ODR4: variants seen among roughly 807,000 people sequenced by gnomAD.
ODR4 encodes odr-4 GPCR localization factor homolog.
ODR4 carries 47 observed loss-of-function variants against 60.2 expected under a neutral mutation model. That is an observed-to-expected ratio of 0.78 (90% CI 0.62 to 1.00). ODR4 has a LOEUF of 1.00. ODR4 is among the 50% of genes least tolerant of loss of function. The probability of loss-of-function intolerance (pLI) is 0.00; values close to 1 mark genes in which losing one functional copy is unlikely to be tolerated. For missense variants in ODR4, 488 were observed against 530.8 expected (o/e 0.92, Z 0.79); for synonymous variants, 178 against 175.5 (o/e 1.01, Z -0.11).
At chr1:186,387,127 A>G (rs376604114) in intron 4 of ODR4, among the ~76,000 whole-genome samples, 1 of 152,184 alleles carries the variant, frequency 6.6e-6, no homozygotes, top group African/African-American at 2.4e-5. Flanking sequence ...AAAAATATAC[A>G]GCTGAGAACT....
intron 12 of ODR4, among the ~76,000 whole-genome samples, chr1:186,408,515 TATA>T (rs1019511903): frequency 6.7e-6 from 1 of 150,086 alleles, no homozygotes; most frequent in African/African-American, 2.4e-5. Context: ...ATAAACAATA[TATA>T]ATGTTTATAT....
In ODR4 at chr1:186,417,584, C is replaced by T; in HGVS notation, c.1227C>T (p.Asp409=). ...CTATGAATAGTCAAGCTTCATTGGA[C>T]AACACAGATGATGAACAACCAAAAC... ...SSSMNSQASL[D]NTDDEQPKQP... Residue 409 remains aspartate (D), a synonymous_variant, in exon 13 of 14, where the codon GAC becomes GAT. Coordinates refer to ENST00000287859, the MANE Select transcript of ODR4 (RefSeq NM_017847.6). 6.2e-7 allele frequency: 1 copy of T among 1,602,296 alleles called. No individual in the cohort carries two copies. The highest frequency in any genetic ancestry group is 8.5e-7 in the Non-Finnish European group (1 of 1,173,250).
chr1:186,417,532 A>T lies in ODR4; in HGVS notation c.1187-12A>T, dbSNP rs2102097556. ...ATTTTATGTGGAATTTATTATTATT[A>T]TACCCTTTCAGCTTGTATGAGTTCT... On this transcript the variant is annotated splice_polypyrimidine_tract_variant and intron_variant, in intron 12 of 13. Coordinates refer to ENST00000287859, the MANE Select transcript of ODR4 (RefSeq NM_017847.6). 7.2e-7 allele frequency: 1 copy of T among 1,391,980 alleles called. No homozygotes were observed. The highest frequency in any genetic ancestry group is 1.9e-5 in the Admixed American group (1 of 52,140). 86.2% of individuals were successfully genotyped at this position (1,391,980 alleles called of 1,614,324 possible).
Position 186,417,590 on chromosome 1 carries a change from A to G in ODR4, c.1233A>G (p.Thr411=). 1 of 1,603,912 alleles carries G rather than the reference A, an allele frequency of 6.2e-7. No individual in the cohort carries two copies. The highest frequency in any genetic ancestry group is 8.5e-7 in the Non-Finnish European group (1 of 1,174,254). The change falls in exon 13 of 14, where the codon ACA becomes ACG. Residue 411 remains threonine (T), a synonymous_variant. Transcript: ENST00000287859. The stretch of plus-strand genomic sequence containing the variant: ...ATAGTCAAGCTTCATTGGACAACAC[A>G]GATGATGAACAACCAAAACAACCAA... ...SMNSQASLDN[T]DDEQPKQPIK...
At chr1:186,424,788 CGTG>C (rs1002041263), downstream of ODR4, among the ~76,000 whole-genome samples, 12 of 151,918 alleles carry the variant, frequency 7.9e-5, no homozygotes, top group African/African-American at 2.4e-4. Flanking sequence ...TTCTTCCAGT[CGTG>C]GTGGCTGGGC....
intron 11 of ODR4, among the ~76,000 whole-genome samples, chr1:186,404,050 A>T (rs914139592): frequency 1.8e-4 from 28 of 152,364 alleles, no homozygotes; most frequent in South Asian, 1.0e-3. Flanking sequence ...AAATACATAA[A>T]TAACTTAAAA....
In ODR4 at chr1:186,419,037, C is replaced by T. The variant is rs1378921862; in HGVS notation, c.1326C>T (p.Val442=). The T allele has an allele frequency of 6.2e-7, 1 of 1,610,396 alleles. No individual in the cohort carries two copies. The highest frequency in any genetic ancestry group is 1.7e-5 in the Admixed American group (1 of 59,614). Residue 442 remains valine (V), a synonymous_variant, in exon 14 of 14, where the codon GTC becomes GTT. Transcript: ENST00000287859. ...TGATTGCAGCATTTACAGTTGCAGT[C>T]CTTGCTGCGGGTATCTCCTTTCATT... ...IGVIAAFTVA[V]LAAGISFHYF...
At chr1:186,391,851 A>T in intron 8 of ODR4, 60 bp downstream of exon 8, 1 of 1,030,220 alleles carries the variant, frequency 9.7e-7, no homozygotes. Flanking sequence ...ATAAAACATG[A>T]CTTATTTTTA....
At chr1:186,385,727 A>G (rs1260690682) in intron 3 of ODR4, among the ~76,000 whole-genome samples, 1 of 152,206 alleles carries the variant, frequency 6.6e-6, no homozygotes, top group African/African-American at 2.4e-5. Flanking sequence ...GATCCTAGAA[A>G]GTCTGAAATA....
At chr1:186,390,999 ATTAGAAATTT>A (rs1015777975) in intron 7 of ODR4, 148 bp downstream of exon 7, 42 of 849,204 alleles carry the variant, frequency 4.9e-5, no homozygotes, top group Admixed American at 2.5e-4. Flanking sequence ...CCGCAGCCAA[ATTAGAAATTT>A]TTAGAAATTT....
In ODR4 at chr1:186,390,822, G is replaced by C; in HGVS notation, c.586G>C (p.Val196Leu). Residue 196 changes from valine to leucine, a missense_variant, in exon 7 of 14, where the codon GTC becomes CTC. Val to Leu is a conservative substitution (Grantham distance 32, BLOSUM62 1). Transcript: ENST00000287859. ...TCACATCCCACTTTCTGCTACTTCTGTCAGCTATACTCTGGAGAAAAATAC... is the reference window on the plus strand; with the variant it reads ...TCACATCCCACTTTCTGCTACTTCTCTCAGCTATACTCTGGAGAAAAATAC... ...NIHIPLSATS[V>L]SYTLEKNTKN... 6.2e-7 allele frequency: 1 copy of C among 1,613,026 alleles called. No homozygotes were observed. Among genetic ancestry groups the C allele is most frequent in the Non-Finnish European group, 8.5e-7 (1 of 1,179,360 alleles).
chr1:186,400,006 T>C (rs1343123560), intron 11 of ODR4, among the ~76,000 whole-genome samples: 1 of 146,138 alleles, frequency 6.8e-6, no homozygotes, highest in Non-Finnish European at 1.5e-5. Context: ...TTTTTTTTTT[T>C]TTTGAGACGG....
At chr1:186,401,074 A>C (rs748877213) in intron 11 of ODR4, 2 of 1,597,484 alleles carry the variant, frequency 1.3e-6, no homozygotes, top group Admixed American at 3.4e-5. Context: ...TTATTGTTAA[A>C]GATTTACCTT....
rs752322705 is a variant in ODR4, at chr1:186,398,408, C to T, written c.876C>T (p.His292=). ...CTGTGAAATGCAGAGCTTATATCCACAGCAGTAAACCCAAAGTTAAAGATG... is the reference window on the plus strand; with the variant it reads ...CTGTGAAATGCAGAGCTTATATCCATAGCAGTAAACCCAAAGTTAAAGATG... ...KGAVKCRAYI[H]SSKPKVKDAV... is the part of the protein sequence containing the mutation. The change falls in exon 10 of 14, where the codon CAC becomes CAT. Residue 292 remains histidine (H), a synonymous_variant. Transcript: ENST00000287859. The T allele has an allele frequency of 5.0e-6, 8 of 1,607,320 alleles. No individual in the cohort carries two copies. Among genetic ancestry groups the T allele is most frequent in the Admixed American group, 1.7e-5 (1 of 59,358 alleles).
rs975518582 is a variant in ODR4, at chr1:186,419,151, T to C, written c.*75T>C. Reference sequence around the variant, plus strand: ...TTATGAATAATAAAGATGTTAACAATCCATCTGTATTTAAAACACTAGCAG... The same window carrying C: ...TTATGAATAATAAAGATGTTAACAACCCATCTGTATTTAAAACACTAGCAG... On this transcript the variant is annotated 3_prime_UTR_variant, in exon 14 of 14. Transcript: ENST00000287859. 50 of 1,288,842 alleles carry C rather than the reference T, an allele frequency of 3.9e-5. 1 individual carries two copies. The African/African-American group carries it at 6.7e-4, about 17-fold the overall frequency. The allele number at this position is 1,288,842 out of a possible 1,614,324, so 79.8% of individuals were successfully genotyped here.
In ODR4 at chr1:186,419,958, G is replaced by A. The variant is rs1238899376; in HGVS notation, c.*882G>A. ...TAGTAAGAAATGACATAAAATACGT[G>A]CTTTCTCAGGTTACTGTATAACTGT... On this transcript the variant is annotated 3_prime_UTR_variant, in exon 14 of 14. Transcript: ENST00000287859. 6.6e-6 allele frequency: 1 copy of A among 152,010 alleles called. No homozygotes were observed. Among genetic ancestry groups the A allele is most frequent in the East Asian group, 1.9e-4 (1 of 5,184 alleles). The allele number at this position is 152,010 out of a possible 1,614,324, so 9.4% of individuals were successfully genotyped here.
rs187494832 is a variant in ODR4 at position 186,390,792 on chromosome 1, A to G, written c.556A>G (p.Asn186Asp). ...WLSLECTVHI[N>D]IHIPLSATSV... ...TTCTTTAGAGTGTACAGTTCACATT[A>G]ATATTCACATCCCACTTTCTGCTAC... Residue 186 changes from asparagine to aspartate, a missense_variant, in exon 7 of 14, where the codon AAT (asparagine) becomes GAT (aspartate). Physicochemically the swap from Asn to Asp is conservative, Grantham distance 23. Coordinates refer to ENST00000287859, the MANE Select transcript of ODR4 (RefSeq NM_017847.6). The G allele has an allele frequency of 4.6e-4, 741 of 1,612,842 alleles. 2 individuals carry two copies. In the African/African-American group the frequency reaches 8.3e-3, roughly 18 times the overall value.
chr1:186,434,414 A>G, the ODR4 span, among the ~76,000 whole-genome samples: 2 of 152,116 alleles, frequency 1.3e-5, no homozygotes. Flanking sequence ...TGTTACTATT[A>G]TTATGTTTGG....
At chr1:186,414,741 C>T (rs190923298) in intron 12 of ODR4, among the ~76,000 whole-genome samples, 6 of 152,156 alleles carry the variant, frequency 3.9e-5, no homozygotes, top group African/African-American at 9.6e-5. Flanking sequence ...AGGATGATCT[C>T]GATCTCCTGA....
Sources: allele counts gnomAD v4.1 joint callset (sites outside exome capture counted in the v4.1 genomes callset), GRCh38; gene constraint gnomAD v4.1.1; transcripts MANE v1.5; gene names NCBI Gene and HGNC (gene_info 2026-07-23, HGNC 2026-07-21).